The following NHEJ1 variants were observed in gnomAD, a reference collection of about 807,000 sequenced individuals.
NHEJ1 encodes the protein non-homologous end joining factor 1.
A neutral mutation model predicts 39.4 loss-of-function variants in NHEJ1; 22 were observed. The ratio of observed to expected loss-of-function variants is 0.56; its 90% CI spans 0.40 to 0.80. The LOEUF is 0.80. NHEJ1 is among the 30% of genes least tolerant of loss of function. NHEJ1 has a pLI of 0.00. For synonymous variants in NHEJ1, 154 were observed against 135.6 expected (o/e 1.14, Z -0.94); for missense variants, 329 against 357.1 (o/e 0.92, Z 0.63).
intron 5 of NHEJ1, 149 bp downstream of exon 5, chr2:219,146,531 G>A: frequency 1.3e-6 from 1 of 759,574 alleles, no homozygotes; most frequent in East Asian, 2.5e-5. Flanking sequence ...TACATCTCAA[G>A]CCTTATCAGA....
rs769075999 is a variant in NHEJ1, at chr2:219,077,318, G to A, written c.753C>T (p.Ser251=). 8 of 1,613,958 alleles carry A rather than the reference G, an allele frequency of 5.0e-6. No homozygotes were observed. In the African/African-American group the frequency reaches 1.1e-4, roughly 22 times the overall value. Residue 251 remains serine (S), a synonymous_variant, in exon 7 of 8, where the codon AGC becomes AGT. Coordinates refer to ENST00000356853, the MANE Select transcript of NHEJ1 (RefSeq NM_024782.3). The part of the protein sequence containing the change: ...SNSASLQGID[S]QCVNQPEQLV... ...GTTGTTCTGGCTGGTTTACACATTG[G>A]CTATCGATTCCTTGCAGGGAAGCAC...
intron 5 of NHEJ1, among the ~76,000 whole-genome samples, chr2:219,137,326 A>G (rs755295305): frequency 6.6e-6 from 1 of 152,100 alleles, no homozygotes; most frequent in Non-Finnish European, 1.5e-5. Flanking sequence ...TATCAATGGC[A>G]TCACTATTCT....
intron 4 of NHEJ1, among the ~76,000 whole-genome samples, 170 bp downstream of exon 4, chr2:219,147,487 C>T (rs1361372050): frequency 6.6e-6 from 1 of 152,116 alleles, no homozygotes; most frequent in East Asian, 1.9e-4. Context: ...GTCTCCAAAA[C>T]AAACAAACAA....
intron 3 of NHEJ1, among the ~76,000 whole-genome samples, chr2:219,155,631 T>C (rs1268370345): frequency 1.3e-5 from 2 of 152,020 alleles, no homozygotes; most frequent in Non-Finnish European, 2.9e-5. Flanking sequence ...AGATCAAAAA[T>C]AAACATCAGG....
intron 5 of NHEJ1, among the ~76,000 whole-genome samples, chr2:219,141,728 G>C (rs1574738168): frequency 2.0e-5 from 3 of 152,000 alleles, no homozygotes; most frequent in African/African-American, 2.4e-5. Flanking sequence ...ATATAAAATT[G>C]GTATTCAGCG....
chr2:219,116,874 C>G (rs1254024115), intron 5 of NHEJ1, among the ~76,000 whole-genome samples: 3 of 152,146 alleles, frequency 2.0e-5, no homozygotes, highest in Non-Finnish European at 4.4e-5. Flanking sequence ...GGGGTACCCT[C>G]TCCTTTGTTG....
chr2:219,145,439 C>T (rs1482823264), intron 5 of NHEJ1, among the ~76,000 whole-genome samples: 2 of 152,164 alleles, frequency 1.3e-5, no homozygotes, highest in Admixed American at 6.5e-5. Context: ...TAAAGAATAC[C>T]TGCTTTATGC....
intron 5 of NHEJ1, among the ~76,000 whole-genome samples, chr2:219,132,046 A>G (rs1949583767): frequency 6.6e-6 from 1 of 152,238 alleles, no homozygotes; most frequent in African/African-American, 2.4e-5. Flanking sequence ...CAATTTCCAC[A>G]TAAGTAAAAG....
chr2:219,086,134 C>T (rs928408120), intron 5 of NHEJ1, among the ~76,000 whole-genome samples: 3 of 152,202 alleles, frequency 2.0e-5, no homozygotes, highest in Admixed American at 6.5e-5. Flanking sequence ...CATTTTGACA[C>T]ATTACTGCAA....
At position 219,076,290 on chromosome 2, in the gene NHEJ1, T is replaced by C; in HGVS notation, c.*91A>G. On this transcript the variant is annotated 3_prime_UTR_variant, in exon 8 of 8. Coordinates refer to ENST00000356853, the MANE Select transcript of NHEJ1 (RefSeq NM_024782.3). ...GGAGGCCTCTGACTGTATCACTATT[T>C]TAGAAATATTGCTGCCATGTAAGCT... 6.2e-7 allele frequency: 1 copy of C among 1,610,586 alleles called. No individual in the cohort carries two copies. Among genetic ancestry groups the C allele is most frequent in the Non-Finnish European group, 8.5e-7 (1 of 1,178,388 alleles).
chr2:219,147,587 C>T, intron 4 of NHEJ1, 70 bp downstream of exon 4: 1 of 1,595,462 alleles, frequency 6.3e-7, no homozygotes, highest in Non-Finnish European at 8.6e-7. Flanking sequence ...AAATGAGTCT[C>T]CCTCTTTGCT....
intron 5 of NHEJ1, among the ~76,000 whole-genome samples, chr2:219,135,543 A>G (rs1209068521): frequency 6.6e-6 from 1 of 152,216 alleles, no homozygotes; most frequent in Non-Finnish European, 1.5e-5. Context: ...CAGGAGGCAG[A>G]GGTTGCAGTG....
In NHEJ1 at chr2:219,157,989, TCTCACA is replaced by T. The variant is rs1227973255; in HGVS notation, c.177+191_177+196del. The stretch of plus-strand genomic sequence containing the variant: ...AACTTTCTTTCTCTCTCTCTCTCTC[TCTCACA>T]CACACACACACACACACACACACAC... On this transcript the variant is annotated intron_variant, in intron 2 of 7. Coordinates refer to ENST00000356853, the MANE Select transcript of NHEJ1 (RefSeq NM_024782.3). Among the ~76,000 whole-genome samples, 6,979 of 118,552 alleles carry T rather than the reference TCTCACA, an allele frequency of 0.059. 160 individuals are homozygous for T. Among genetic ancestry groups the T allele is most frequent in the Middle Eastern group, 0.085 (20 of 234 alleles). The allele number at this position is 118,552 out of a possible 152,430, so 77.8% of individuals were successfully genotyped here. A position where few individuals can be genotyped will look rare whatever the true frequency, so the allele number is the denominator to read the frequency against.
At chr2:219,124,771 G>A (rs1458763144) in intron 5 of NHEJ1, 1 of 151,976 alleles carries the variant, frequency 6.6e-6, no homozygotes, top group Admixed American at 6.6e-5. Flanking sequence ...AGAGAGAGAA[G>A]TGAGGGCTGT....
intron 3 of NHEJ1, among the ~76,000 whole-genome samples, chr2:219,150,369 C>T (rs543634670): frequency 6.6e-6 from 1 of 152,312 alleles, no homozygotes; most frequent in East Asian, 1.9e-4. Flanking sequence ...CCTTCTACCA[C>T]ACAGCACATC....
At chr2:219,113,072 A>G (rs192140776) in intron 5 of NHEJ1, among the ~76,000 whole-genome samples, 3 of 152,308 alleles carry the variant, frequency 2.0e-5, no homozygotes, top group East Asian at 3.9e-4. Context: ...ACGGCATATG[A>G]AAAAGGCAAC....
At chr2:219,099,106 A>G (rs1949233607) in intron 5 of NHEJ1, among the ~76,000 whole-genome samples, 1 of 151,950 alleles carries the variant, frequency 6.6e-6, no homozygotes, top group Non-Finnish European at 1.5e-5. Context: ...GCAAAACAGG[A>G]TGGGGATGTG....
At chr2:219,094,125 T>C (rs1949185283) in intron 5 of NHEJ1, among the ~76,000 whole-genome samples, 1 of 152,326 alleles carries the variant, frequency 6.6e-6, no homozygotes. Context: ...AAAAGACTCA[T>C]TCTCAACAGG....
At position 219,139,855 on chromosome 2, in the gene NHEJ1, A is replaced by G. The variant is rs550144214; in HGVS notation, c.588+6825T>C. Among the ~76,000 whole-genome samples, 482 of 152,144 alleles carry G rather than the reference A, an allele frequency of 3.2e-3. 3 individuals are homozygous for G. Among genetic ancestry groups the G allele is most frequent in the Middle Eastern group, 0.01 (3 of 294 alleles). On this transcript the variant is annotated intron_variant, in intron 5 of 7. Transcript: ENST00000356853. The stretch of plus-strand genomic sequence containing the variant: ...CCACCACACCCGGCTAATTTTTTGT[A>G]TTTTTATTAGAGACAGGGTTTCACC...
Sources: gnomAD v4.1 joint callset for allele counts (sites outside exome capture counted in the v4.1 genomes callset) on GRCh38, gnomAD v4.1.1 for gene constraint, MANE v1.5 for transcripts, NCBI Gene and HGNC (gene_info 2026-07-23, HGNC 2026-07-21) for gene names.